INTS10: variants seen among roughly 807,000 people sequenced by gnomAD.
INTS10 encodes integrator complex subunit 10.
INTS10 carries 44 observed loss-of-function variants against 94.4 expected under a neutral mutation model. That is an observed-to-expected ratio of 0.47 (90% confidence interval 0.37 to 0.60). The LOEUF (loss-of-function observed/expected upper bound fraction) is 0.60, where lower values mean the gene tolerates loss of function less well. INTS10 is among the 20% of genes least tolerant of loss of function. The pLI is 0.00. For missense variants in INTS10, 797 were observed against 868.7 expected (o/e 0.92, Z 1.04); for synonymous variants, 341 against 320.7 (o/e 1.06, Z -0.68).
rs577506839 is a variant in INTS10 at position 19,843,133 on chromosome 8, C to T, written c.1719+206C>T. On this transcript the variant is annotated intron_variant, in intron 14 of 16. Coordinates refer to ENST00000397977, the MANE Select transcript of INTS10 (RefSeq NM_018142.4). The surrounding 1 kb of genome is among the most constrained non-coding windows in gnomAD (Gnocchi z 4.7). Reference sequence around the variant, plus strand: ...GGCAAAGAGAAGTAGGAAGTTCTCCCCGTCCTCAAAAAGTGTAATAGTGGG... The same window carrying T: ...GGCAAAGAGAAGTAGGAAGTTCTCCTCGTCCTCAAAAAGTGTAATAGTGGG... 6.6e-6 allele frequency among the ~76,000 whole-genome samples: 1 copy of T among 152,280 alleles called. No individual in the cohort carries two copies. Among genetic ancestry groups the T allele is most frequent in the Admixed American group, 6.5e-5 (1 of 15,300 alleles).
At chr8:19,828,569 C>A (rs376901016) in intron 9 of INTS10, among the ~76,000 whole-genome samples, 1 of 152,222 alleles carries the variant, frequency 6.6e-6, no homozygotes, top group African/African-American at 2.4e-5. Flanking sequence ...GGGGTCCTTT[C>A]ATAAATTCCT....
chr8:19,830,754 C>T (rs1048557489), intron 10 of INTS10, among the ~76,000 whole-genome samples, 195 bp downstream of exon 10: 14 of 152,286 alleles, frequency 9.2e-5, no homozygotes, highest in African/African-American at 2.4e-4. Flanking sequence ...CTCACTGCAA[C>T]GCTCACCTCC....
At chr8:19,819,339 T>C (rs1250846710) in intron 2 of INTS10, among the ~76,000 whole-genome samples, 3 of 152,250 alleles carry the variant, frequency 2.0e-5, no homozygotes, top group Non-Finnish European at 4.4e-5. Context: ...AAGCTCTTTC[T>C]ATGTTATGGT....
At chr8:19,826,906 G>C (rs1277397409) in intron 9 of INTS10, among the ~76,000 whole-genome samples, 1 of 152,168 alleles carries the variant, frequency 6.6e-6, no homozygotes, top group East Asian at 1.9e-4. Context: ...CATCGATTCA[G>C]TTTAAACAAC....
chr8:19,823,732 G>C (rs2066570353), intron 6 of INTS10, 141 bp from the exon 7 acceptor site: 1 of 720,110 alleles, frequency 1.4e-6, no homozygotes, highest in Non-Finnish European at 2.2e-6. Context: ...GTGGCCTCTT[G>C]TCGGTCCTTG....
Position 19,817,510 on chromosome 8 carries a change from G to A in INTS10, c.-28G>A. Reference sequence around the variant, plus strand: ...CAGAGCCGGACGTTCCGGCCGCTTCGGGCTGGCGGCTGGAGAGCGCTCGGG... The same window carrying A: ...CAGAGCCGGACGTTCCGGCCGCTTCAGGCTGGCGGCTGGAGAGCGCTCGGG... On this transcript the variant is annotated 5_prime_UTR_variant, in exon 1 of 17. Transcript: ENST00000397977. 6.3e-7 allele frequency: 1 copy of A among 1,598,366 alleles called. No homozygotes were observed. The highest frequency in any genetic ancestry group is 8.5e-7 in the Non-Finnish European group (1 of 1,174,246).
At chr8:19,844,047 T>G in intron 14 of INTS10, 29 bp from the exon 15 acceptor site, 1 of 1,542,084 alleles carries the variant, frequency 6.5e-7, no homozygotes, top group Non-Finnish European at 8.8e-7. Flanking sequence ...TCCTTTTCCT[T>G]CTGTCTTGTA....
At chr8:19,839,527 C>T (rs575476555) in intron 13 of INTS10, among the ~76,000 whole-genome samples, 20 of 151,720 alleles carry the variant, frequency 1.3e-4, no homozygotes, top group African/African-American at 3.1e-4. Flanking sequence ...AGTGAGATCC[C>T]GTCTCTACAA....
At chr8:19,847,745 T>A (rs2068698957) in intron 16 of INTS10, among the ~76,000 whole-genome samples, 1 of 152,170 alleles carries the variant, frequency 6.6e-6, no homozygotes, top group African/African-American at 2.4e-5. Flanking sequence ...AAGAGTGACA[T>A]AAGTCCAAGT....
At chr8:19,838,490 T>A (rs1349842788) in intron 13 of INTS10, among the ~76,000 whole-genome samples, 1 of 152,224 alleles carries the variant, frequency 6.6e-6, no homozygotes, top group Non-Finnish European at 1.5e-5. Context: ...CAAATGGCTT[T>A]ACTGGTGAAT....
intron 5 of INTS10, among the ~76,000 whole-genome samples, chr8:19,823,059 C>T (rs1042357405): frequency 4.6e-5 from 7 of 151,836 alleles, no homozygotes; most frequent in Non-Finnish European, 8.8e-5. Context: ...TAGTAATAAA[C>T]ATCTGAATTC....
intron 12 of INTS10, among the ~76,000 whole-genome samples, chr8:19,835,847 C>T (rs943765761): frequency 5.3e-5 from 8 of 152,158 alleles, no homozygotes; most frequent in Non-Finnish European, 8.8e-5. Flanking sequence ...TTGCTGCCAA[C>T]CCTGAGCAGC....
In INTS10 at chr8:19,842,871, T is replaced by G. The variant is rs962818420; in HGVS notation, c.1663T>G (p.Cys555Gly). ...RKGSDLKLLP[C>G]TSKAIMPYCL... ...AGGTTCGGATCTGAAGCTCCTGCCTTGTACCAGCAAGGCTATCATGCCATA... is the reference window on the plus strand; with the variant it reads ...AGGTTCGGATCTGAAGCTCCTGCCTGGTACCAGCAAGGCTATCATGCCATA... The change falls in exon 14 of 17, where the codon TGT (cysteine) becomes GGT (glycine). Residue 555 changes from cysteine (C) to glycine (G), a missense_variant. Cys to Gly is a radical substitution (Grantham distance 159). Transcript: ENST00000397977. 1 of 1,613,212 alleles carries G rather than the reference T, an allele frequency of 6.2e-7. No homozygotes were observed. Among genetic ancestry groups the G allele is most frequent in the African/African-American group, 1.3e-5 (1 of 74,908 alleles).
At chr8:19,839,784 T>TG (rs1255656797) in intron 13 of INTS10, among the ~76,000 whole-genome samples, 1 of 152,122 alleles carries the variant, frequency 6.6e-6, no homozygotes, top group Non-Finnish European at 1.5e-5. Context: ...TCCCCAAGGC[T>TG]GGGCGCAGTG....
chr8:19,824,760 G>A (rs545797066), intron 7 of INTS10, 43 bp from the exon 8 acceptor site: 2 of 1,462,958 alleles, frequency 1.4e-6, no homozygotes, highest in African/African-American at 1.4e-5. Context: ...TTGCTGACCA[G>A]CCCAGAGTAA....
chr8:19,850,445 T>G (rs927417413), intron 16 of INTS10, among the ~76,000 whole-genome samples: 2 of 152,122 alleles, frequency 1.3e-5, no homozygotes, highest in African/African-American at 4.8e-5. Context: ...CCATGGGCAT[T>G]AGAAGGTTCT....
At position 19,846,294 on chromosome 8, in the gene INTS10, A is replaced by G. The variant is rs2068579221; in HGVS notation, c.1976+497A>G. ...AAAAAAAAAAAAAAATTATGTGGGC[A>G]TGATAGTGGGCACCTGTAATCCCAG... On this transcript the variant is annotated intron_variant, in intron 16 of 16. Transcript: ENST00000397977. The surrounding 1 kb of genome is among the most constrained non-coding windows in gnomAD (Gnocchi z 4.2). Among the ~76,000 whole-genome samples the G allele has an allele frequency of 6.6e-6, 1 of 151,906 alleles. No individual in the cohort carries two copies. The highest frequency in any genetic ancestry group is 1.5e-5 in the Non-Finnish European group (1 of 67,970).
chr8:19,826,775 T>A (rs2066831129), intron 9 of INTS10, among the ~76,000 whole-genome samples: 1 of 152,160 alleles, frequency 6.6e-6, no homozygotes, highest in Non-Finnish European at 1.5e-5. Context: ...TTGTCACAGC[T>A]TGGTGGGGAG....
chr8:19,824,120 A>G, intron 7 of INTS10, 76 bp downstream of exon 7: 1 of 1,287,326 alleles, frequency 7.8e-7, no homozygotes, highest in South Asian at 1.5e-5. Flanking sequence ...TGCTTTTTAA[A>G]TCTGTGTAAT....
Sources: allele counts gnomAD v4.1 joint callset (sites outside exome capture counted in the v4.1 genomes callset), GRCh38; gene constraint gnomAD v4.1.1; non-coding constraint Gnocchi (gnomAD v3.1); transcripts MANE v1.5; gene names NCBI Gene and HGNC (gene_info 2026-07-23, HGNC 2026-07-21).